The following DNER variants were observed in gnomAD, a reference collection of about 807,000 sequenced individuals.
DNER encodes the protein delta and Notch-like epidermal growth factor-related receptor.
DNER carries 33 observed loss-of-function variants against 78.2 expected under a neutral mutation model. The observed-to-expected ratio is 0.42, with a 90% CI of 0.32 to 0.56. The LOEUF is 0.56. Among genes scored for constraint, DNER ranks in the 20% least tolerant of loss-of-function variants. The pLI is 0.11. For missense variants in DNER, 918 were observed against 975.3 expected (o/e 0.94, Z 0.78); for synonymous variants, 417 against 384.8 (o/e 1.08, Z -0.98).
At chr2:229,403,706 C>T (rs960475658) in intron 10 of DNER, among the ~76,000 whole-genome samples, 1 of 151,948 alleles carries the variant, frequency 6.6e-6, no homozygotes, top group African/African-American at 2.4e-5. Context: ...GAAAAAATGC[C>T]TAAGGGTGAG....
chr2:229,415,707 G>T (rs1197035384), intron 9 of DNER, among the ~76,000 whole-genome samples: 2 of 152,072 alleles, frequency 1.3e-5, no homozygotes. Flanking sequence ...TTATCTTAGG[G>T]TATAGGGTGC....
In DNER at chr2:229,639,429, A is replaced by G. The variant is rs185849784; in HGVS notation, c.277-47541T>C. Among the ~76,000 whole-genome samples, 1,088 of 152,034 alleles carry G rather than the reference A, an allele frequency of 7.2e-3. 10 individuals are homozygous for G. Among genetic ancestry groups the G allele is most frequent in the South Asian group, 0.015 (70 of 4,810 alleles). On this transcript the variant is annotated intron_variant, in intron 1 of 12. Coordinates refer to ENST00000341772, the MANE Select transcript of DNER (RefSeq NM_139072.4). ...ATCACCACGCCTGGCTAACTTTTGT[A>G]TTTTTAGTAGGACAGGGTTTTGGCA...
At chr2:229,507,343 C>A (rs1338434516) in intron 6 of DNER, among the ~76,000 whole-genome samples, 1 of 152,128 alleles carries the variant, frequency 6.6e-6, no homozygotes, top group Non-Finnish European at 1.5e-5. Flanking sequence ...CATGACTATA[C>A]TTCTATTATT....
At chr2:229,590,293 A>T (rs1697578595) in intron 2 of DNER, among the ~76,000 whole-genome samples, 2 of 152,234 alleles carry the variant, frequency 1.3e-5, no homozygotes, top group Non-Finnish European at 1.5e-5. Context: ...CTCAAACTTG[A>T]TAGGAGAAGT....
intron 5 of DNER, among the ~76,000 whole-genome samples, chr2:229,522,701 C>T (rs1696125927): frequency 6.6e-6 from 1 of 152,108 alleles, no homozygotes; most frequent in East Asian, 1.9e-4. Context: ...AAAACCTGCC[C>T]AGCATCTTCA....
chr2:229,400,689 A>G (rs1472626071), intron 10 of DNER, among the ~76,000 whole-genome samples: 2 of 152,142 alleles, frequency 1.3e-5, no homozygotes, highest in Non-Finnish European at 1.5e-5. Flanking sequence ...CCATAAATAA[A>G]TGATTAAATA....
intron 10 of DNER, among the ~76,000 whole-genome samples, chr2:229,404,535 G>A (rs1171770501): frequency 6.6e-6 from 1 of 152,194 alleles, no homozygotes; most frequent in African/African-American, 2.4e-5. Flanking sequence ...AATTCAAGAT[G>A]AGATTTGGGT....
intron 1 of DNER, among the ~76,000 whole-genome samples, chr2:229,687,159 T>C (rs923976036): frequency 3.9e-5 from 6 of 152,246 alleles, no homozygotes; most frequent in African/African-American, 1.4e-4. Context: ...TGCCATTATT[T>C]AAACATTCTC....
chr2:229,710,365 A>G (rs2154217882), intron 1 of DNER, among the ~76,000 whole-genome samples: 1 of 152,316 alleles, frequency 6.6e-6, no homozygotes, highest in South Asian at 2.1e-4. Context: ...ATAGCCCTGT[A>G]TCAAGCCAGC....
rs533970600 is a variant in DNER at position 229,414,856 on chromosome 2, C to G, written c.1609+3252G>C. ...TCCTCCCAGGTGGGCCTGGCCTAAC[C>G]AGGTGAGACCTTTAAGAGGGTCCAG... On this transcript the variant is annotated intron_variant, in intron 9 of 12. Coordinates refer to ENST00000341772, the MANE Select transcript of DNER (RefSeq NM_139072.4). 1.6e-4 allele frequency among the ~76,000 whole-genome samples: 24 copies of G among 152,230 alleles called. No homozygotes were observed. In the South Asian group the frequency reaches 3.9e-3, roughly 25 times the overall value.
At chr2:229,621,808 G>A (rs72991668) in intron 1 of DNER, among the ~76,000 whole-genome samples, 3,241 of 152,262 alleles carry the variant, frequency 0.021, 45 homozygotes, top group Middle Eastern at 0.034. Flanking sequence ...TAAAAGGGCC[G>A]GGCGCAGTGG....
At chr2:229,494,513 T>A (rs940351908) in intron 6 of DNER, among the ~76,000 whole-genome samples, 6 of 152,166 alleles carry the variant, frequency 3.9e-5, no homozygotes, top group African/African-American at 1.4e-4. Flanking sequence ...TCAAGAGCAA[T>A]CCTCTTTGGT....
intron 8 of DNER, among the ~76,000 whole-genome samples, chr2:229,444,043 C>T (rs1694289187): frequency 6.6e-6 from 1 of 152,226 alleles, no homozygotes; most frequent in African/African-American, 2.4e-5. Flanking sequence ...ATGAAGGGAT[C>T]ATGTTCATTC....
chr2:229,579,746 T>A (rs983726714), intron 4 of DNER, among the ~76,000 whole-genome samples: 1 of 151,944 alleles, frequency 6.6e-6, no homozygotes, highest in African/African-American at 2.4e-5. Flanking sequence ...CTAAGAGTAA[T>A]GGTATTAGTT....
chr2:229,690,902 T>C (rs929330289), intron 1 of DNER, among the ~76,000 whole-genome samples: 1 of 152,244 alleles, frequency 6.6e-6, no homozygotes. Flanking sequence ...CATTGCAATA[T>C]TAAACATTAT....
chr2:229,503,233 C>T (rs1387438207), intron 6 of DNER, among the ~76,000 whole-genome samples: 4 of 152,204 alleles, frequency 2.6e-5, no homozygotes, highest in African/African-American at 7.2e-5. Context: ...AGAGTGAATA[C>T]GGCTCTATTG....
At chr2:229,677,782 A>T (rs368904223) in intron 1 of DNER, among the ~76,000 whole-genome samples, 67 of 152,316 alleles carry the variant, frequency 4.4e-4, no homozygotes, top group African/African-American at 1.4e-3. Flanking sequence ...CATTCATCTT[A>T]TCAATATGTT....
chr2:229,626,972 T>C (rs1269827685), intron 1 of DNER, among the ~76,000 whole-genome samples: 2 of 152,196 alleles, frequency 1.3e-5, no homozygotes, highest in African/African-American at 2.4e-5. Context: ...ATCAATCACG[T>C]TGGAAAACTG....
chr2:229,577,158 T>C (rs1305157742), intron 4 of DNER, among the ~76,000 whole-genome samples: 1 of 152,172 alleles, frequency 6.6e-6, no homozygotes, highest in Non-Finnish European at 1.5e-5. Context: ...TCCAGTTCAA[T>C]GTACAACCAA....
Sources: gnomAD v4.1 joint callset for allele counts (sites outside exome capture counted in the v4.1 genomes callset) on GRCh38, gnomAD v4.1.1 for gene constraint, MANE v1.5 for transcripts, NCBI Gene and HGNC (gene_info 2026-07-23, HGNC 2026-07-21) for gene names.